The following FAT4 variants were observed in gnomAD, a reference collection of about 807,000 sequenced individuals.
The protein encoded by FAT4 is protocadherin Fat 4.
In FAT4, 84 loss-of-function variants were observed where a neutral mutation model predicts 303.9. The observed-to-expected ratio is 0.28, with a 90% CI of 0.23 to 0.33. The LOEUF (loss-of-function observed/expected upper bound fraction) is 0.33. Among genes scored for constraint, FAT4 ranks in the 10% least tolerant of loss-of-function variants. The pLI is 1.00. For missense variants in FAT4, 6,005 were observed against 6,146.8 expected (o/e 0.98, Z 0.77); for synonymous variants, 2,307 against 2,298.8 (o/e 1.00, Z -0.10).
At chr4:125,390,803 G>C (rs1733948642) in intron 2 of FAT4, among the ~76,000 whole-genome samples, 1 of 152,148 alleles carries the variant, frequency 6.6e-6, no homozygotes, top group African/African-American at 2.4e-5. Context: ...AGTCTCCTAA[G>C]TGGGAGATAT....
At position 125,491,945 on chromosome 4, in the gene FAT4, A is replaced by T; in HGVS notation, c.*177A>T. 1 of 610,440 alleles carries T rather than the reference A, an allele frequency of 1.6e-6. No homozygotes were observed. 37.8% of individuals were successfully genotyped at this position (610,440 alleles called of 1,614,324 possible). A position where few individuals can be genotyped will look rare whatever the true frequency, so the allele number is the denominator to read the frequency against. On this transcript the variant is annotated 3_prime_UTR_variant, in exon 18 of 18. Coordinates refer to ENST00000394329, the MANE Select transcript of FAT4 (RefSeq NM_001291303.3). ...TGAAACAGACTCACAACAACTCTTA[A>T]TTTAAACATGTGTGGTTGAATTTAT...
chr4:125,487,475 C>T lies in FAT4; in HGVS notation c.12953C>T (p.Thr4318Ile). Residue 4318 changes from threonine (T) to isoleucine (I), a missense_variant, in exon 17 of 18, where the codon ACA (threonine) becomes ATA (isoleucine). Coordinates refer to ENST00000394329, the MANE Select transcript of FAT4 (RefSeq NM_001291303.3). ...CTAATTGGGAAAAATGGAACAGCAA[C>T]AGTATTGTCTGTTGACAGAATATAT... The part of the protein sequence containing the change: ...TFLIGKNGTA[T>I]VLSVDRIYNR... 3 of 1,614,068 alleles carry T rather than the reference C, an allele frequency of 1.9e-6. No individual in the cohort carries two copies. In the South Asian group the frequency reaches 3.3e-5, roughly 18 times the overall value.
intron 2 of FAT4, among the ~76,000 whole-genome samples, chr4:125,380,282 G>C (rs1231762831): frequency 6.6e-6 from 1 of 152,152 alleles, no homozygotes; most frequent in African/African-American, 2.4e-5. Context: ...TTGGGAAAAT[G>C]GTTGAATCAA....
intron 2 of FAT4, among the ~76,000 whole-genome samples, chr4:125,349,951 T>G (rs2125976909): frequency 6.6e-6 from 1 of 151,892 alleles, no homozygotes; most frequent in South Asian, 2.1e-4. Flanking sequence ...TACTACATTA[T>G]ATTTATTTTG....
At chr4:125,356,549 GT>G (rs57855830) in intron 2 of FAT4, among the ~76,000 whole-genome samples, 6,770 of 131,336 alleles carry the variant, frequency 0.052, 116 homozygotes, top group East Asian at 0.09. Flanking sequence ...TTTGTTTTTT[GT>G]TTTTTTTTTT....
In FAT4 at chr4:125,451,897, G is replaced by C; in HGVS notation, c.10887G>C (p.Leu3629Phe). ...VEIFVNYYGNLFPGGILGSVK... is the reference protein window; with the variant it reads ...VEIFVNYYGNFFPGGILGSVK... Reference sequence around the variant, plus strand: ...TATTTGTTAATTATTATGGTAACTTGTTTCCCGGTGGGATTTTAGGCTCTG... The same window carrying C: ...TATTTGTTAATTATTATGGTAACTTCTTTCCCGGTGGGATTTTAGGCTCTG... The change falls in exon 10 of 18, where the codon TTG becomes TTC. Residue 3629 changes from leucine (L) to phenylalanine (F), a missense_variant. By Grantham distance (22) the Leu-to-Phe change is conservative. Coordinates refer to ENST00000394329, the MANE Select transcript of FAT4 (RefSeq NM_001291303.3). 5 of 1,614,048 alleles carry C rather than the reference G, an allele frequency of 3.1e-6. No individual in the cohort carries two copies. Among genetic ancestry groups the C allele is most frequent in the Non-Finnish European group, 4.2e-6 (5 of 1,179,992 alleles).
At chr4:125,408,826 C>T (rs751285410) in intron 5 of FAT4, 32 bp downstream of exon 5, 2 of 1,097,204 alleles carry the variant, frequency 1.8e-6, no homozygotes, top group Non-Finnish European at 2.5e-6. Flanking sequence ...ATTTTTAAAA[C>T]ATCTATAAAC....
At chr4:125,376,447 C>T (rs1210483778) in intron 2 of FAT4, among the ~76,000 whole-genome samples, 6 of 151,744 alleles carry the variant, frequency 4.0e-5, no homozygotes, top group Non-Finnish European at 8.8e-5. Flanking sequence ...CGGGGCCTGT[C>T]GTGGGGTGAG....
chr4:125,316,270 C>G lies in FAT4; in HGVS notation c.-12-130C>G. 3 of 1,135,738 alleles carry G rather than the reference C, an allele frequency of 2.6e-6. No individual in the cohort carries two copies. Among genetic ancestry groups the G allele is most frequent in the Non-Finnish European group, 2.5e-6 (2 of 806,150 alleles). 70.4% of individuals were successfully genotyped at this position (1,135,738 alleles called of 1,614,324 possible). ...GCTGATGCTACTTGCTTTTGCCGGACTGGAGGTTCTTTGAAATAGCAGAGG... is the reference window on the plus strand; with the variant it reads ...GCTGATGCTACTTGCTTTTGCCGGAGTGGAGGTTCTTTGAAATAGCAGAGG... On this transcript the variant is annotated intron_variant, in intron 1 of 17. Coordinates refer to ENST00000394329, the MANE Select transcript of FAT4 (RefSeq NM_001291303.3). The surrounding 1 kb of genome is among the most constrained non-coding windows in gnomAD (Gnocchi z 5.7).
chr4:125,425,097 A>G (rs1725043851), intron 7 of FAT4, among the ~76,000 whole-genome samples: 2 of 152,236 alleles, frequency 1.3e-5, no homozygotes, highest in Non-Finnish European at 2.9e-5. Context: ...TACATCTTAG[A>G]AAGTCATAAA....
At chr4:125,457,123 A>ACG (rs1491349879) in intron 10 of FAT4, among the ~76,000 whole-genome samples, 2 of 60,550 alleles carry the variant, frequency 3.3e-5, no homozygotes, top group East Asian at 5.8e-4. Flanking sequence ...TTTCTCTCAT[A>ACG]CACACACACA....
At chr4:125,376,788 G>A (rs6840704) in intron 2 of FAT4, among the ~76,000 whole-genome samples, 14,189 of 151,940 alleles carry the variant, frequency 0.093, 993 homozygotes, top group East Asian at 0.22. Flanking sequence ...AATGGGCTGA[G>A]GCAGGAGAAT....
chr4:125,472,809 G>A (rs1726908329), intron 12 of FAT4, among the ~76,000 whole-genome samples: 1 of 152,132 alleles, frequency 6.6e-6, no homozygotes. Context: ...ACATGGTCAA[G>A]GGTAGCTGCT....
chr4:125,477,412 A>C (rs1343063856), intron 14 of FAT4, 78 bp downstream of exon 14: 2 of 1,225,316 alleles, frequency 1.6e-6, no homozygotes, highest in Non-Finnish European at 2.3e-6. Context: ...CAAAAGATGA[A>C]ATTATTATGC....
At position 125,396,630 on chromosome 4, in the gene FAT4, G is replaced by A. The variant is rs557111880; in HGVS notation, c.5176-2154G>A. Among the ~76,000 whole-genome samples, 8 of 151,922 alleles carry A rather than the reference G, an allele frequency of 5.3e-5. No individual in the cohort carries two copies. In the South Asian group the frequency reaches 1.5e-3, roughly 28 times the overall value. The stretch of plus-strand genomic sequence containing the variant: ...CATTTACAAAATCATACATGCACAC[G>A]CATGCATGCGAGCACACATGCACAC... On this transcript the variant is annotated intron_variant, in intron 2 of 17. Coordinates refer to ENST00000394329, the MANE Select transcript of FAT4 (RefSeq NM_001291303.3).
At chr4:125,420,848 C>T (rs1279394383) in intron 7 of FAT4, among the ~76,000 whole-genome samples, 1 of 152,204 alleles carries the variant, frequency 6.6e-6, no homozygotes, top group East Asian at 1.9e-4. Flanking sequence ...CTGTGCTTTA[C>T]TATCCACCTT....
chr4:125,379,822 T>A (rs2125997761), intron 2 of FAT4, among the ~76,000 whole-genome samples: 1 of 148,284 alleles, frequency 6.7e-6, no homozygotes, highest in East Asian at 2.0e-4. Context: ...TTGTATATTC[T>A]AAAAAAAAAA....
intron 2 of FAT4, among the ~76,000 whole-genome samples, chr4:125,381,045 G>A (rs1165707289): frequency 6.6e-6 from 1 of 152,080 alleles, no homozygotes; most frequent in African/African-American, 2.4e-5. Flanking sequence ...ACTAACGTTA[G>A]TAGTCAAGTA....
At chr4:125,365,565 A>G (rs954630531) in intron 2 of FAT4, among the ~76,000 whole-genome samples, 2 of 152,208 alleles carry the variant, frequency 1.3e-5, no homozygotes, top group Admixed American at 1.3e-4. Flanking sequence ...CGAGAGAGCT[A>G]TTATATACTT....
Sources: gnomAD v4.1 joint callset for allele counts (sites outside exome capture counted in the v4.1 genomes callset) on GRCh38, gnomAD v4.1.1 for gene constraint, Gnocchi (gnomAD v3.1) non-coding constraint, MANE v1.5 for transcripts, NCBI Gene and HGNC (gene_info 2026-07-23, HGNC 2026-07-21) for gene names.